AFF2: variants seen among roughly 807,000 people sequenced by gnomAD.
AFF2 encodes ALF transcription elongation factor 2, also known as AF4/FMR2 family member 2.
Under a neutral mutation model 76.9 loss-of-function variants are expected in AFF2, and 14 were observed. The observed-to-expected ratio is 0.18, with a 90% confidence interval of 0.12 to 0.28. AFF2 has a LOEUF of 0.28. Ranked by LOEUF, AFF2 falls within the 10% of genes least tolerant of loss-of-function variation. The pLI is 1.00. For synonymous variants in AFF2, 398 were observed against 366.7 expected (o/e 1.09, Z -0.98); for missense variants, 868 against 1,001.1 (o/e 0.87, Z 1.79).
intron 3 of AFF2, among the ~76,000 whole-genome samples, chrX:148,753,060 A>G (rs1207061996): frequency 9.0e-6 from 1 of 111,612 alleles, no homozygotes; most frequent in African/African-American, 3.3e-5. Context: ...AGCCATTTGT[A>G]AGGCTCACTT....
In AFF2 at chrX:148,714,671, A is replaced by T. The variant is rs143015201; in HGVS notation, c.1041+51903A>T. On this transcript the variant is annotated intron_variant, in intron 3 of 20. Coordinates refer to ENST00000370460, the MANE Select transcript of AFF2 (RefSeq NM_002025.4). The stretch of plus-strand genomic sequence containing the variant: ...ACACAAAAAATTTACTGAGAACCAA[A>T]ATTTTATGCCAATGGCCTGTCGATA... Among the ~76,000 whole-genome samples, 487 of 111,230 alleles carry T rather than the reference A, an allele frequency of 4.4e-3. 5 individuals carry two copies. The highest frequency in any genetic ancestry group is 0.016 in the African/African-American group (475 of 30,594).
At chrX:148,608,123 T>C (rs1263372935) in intron 1 of AFF2, among the ~76,000 whole-genome samples, 2 of 111,168 alleles carry the variant, frequency 1.8e-5, no homozygotes, top group African/African-American at 6.5e-5. Context: ...CCCTTGAGAG[T>C]AGGGTGTTCT....
chrX:148,946,739 G>T (rs1336595895), intron 9 of AFF2, among the ~76,000 whole-genome samples: 1 of 111,887 alleles, frequency 8.9e-6, no homozygotes, highest in African/African-American at 3.2e-5. Flanking sequence ...CTTGACTTTT[G>T]GCCTCCTTCG....
intron 3 of AFF2, among the ~76,000 whole-genome samples, chrX:148,749,932 C>CTGAG (rs1557266368): frequency 2.9e-5 from 3 of 104,934 alleles, no homozygotes; most frequent in Non-Finnish European, 5.9e-5. Context: ...CACCATGATG[C>CTGAG]TGAGGGCCTG....
At chrX:148,750,162 A>G (rs241130) in intron 3 of AFF2, among the ~76,000 whole-genome samples, 47,086 of 107,958 alleles carry the variant, frequency 0.44, 10,770 homozygotes, top group African/African-American at 0.87. Flanking sequence ...TAGAGACGGC[A>G]TTTCACCATG....
At chrX:148,852,495 T>C (rs73607989) in intron 7 of AFF2, among the ~76,000 whole-genome samples, 1,524 of 109,017 alleles carry the variant, frequency 0.014, 20 homozygotes, top group African/African-American at 0.048. Flanking sequence ...AAAGTACCTA[T>C]TCCTCATAAT....
intron 1 of AFF2, among the ~76,000 whole-genome samples, chrX:148,651,224 A>G (rs1342850848): frequency 8.9e-6 from 1 of 112,562 alleles, no homozygotes; most frequent in Admixed American, 9.4e-5. Flanking sequence ...TGATCCTCCA[A>G]TGGGAAAGCC....
rs1162192818 is a variant in AFF2 at position 148,686,624 on chromosome X, A to G, written c.1041+23856A>G. ...AACTGGGAATGATGATAATATATGT[A>G]TCAAGTGGCATGTGTATAGTGCCTA... On this transcript the variant is annotated intron_variant, in intron 3 of 20. Transcript: ENST00000370460. Among the ~76,000 whole-genome samples, 5 of 111,842 alleles carry G rather than the reference A, an allele frequency of 4.5e-5. No homozygotes were observed. The East Asian group carries it at 1.4e-3, about 31-fold the overall frequency.
chrX:148,887,926 G>A (rs7050418), intron 8 of AFF2, among the ~76,000 whole-genome samples: 9 of 112,644 alleles, frequency 8.0e-5, no homozygotes, highest in African/African-American at 2.9e-4. Flanking sequence ...GAATGCTTGT[G>A]CAGTAGTGGC....
chrX:148,607,658 G>A (rs1353872148), intron 1 of AFF2, among the ~76,000 whole-genome samples: 4 of 111,234 alleles, frequency 3.6e-5, no homozygotes, highest in Admixed American at 9.5e-5. Context: ...AACATCAAAG[G>A]GGCACACAAC....
At chrX:148,709,004 C>G (rs187535853) in intron 3 of AFF2, among the ~76,000 whole-genome samples, 56 of 111,638 alleles carry the variant, frequency 5.0e-4, no homozygotes, top group African/African-American at 1.6e-3. Context: ...GACGGAATGA[C>G]TGATCTCTTT....
chrX:148,757,194 C>A (rs782247389), intron 3 of AFF2, among the ~76,000 whole-genome samples: 1 of 112,241 alleles, frequency 8.9e-6, no homozygotes, highest in Non-Finnish European at 1.9e-5. Context: ...AAAGTACTGT[C>A]AGCACACAAA....
intron 9 of AFF2, among the ~76,000 whole-genome samples, chrX:148,946,128 A>G (rs782563559): frequency 8.9e-6 from 1 of 112,443 alleles, no homozygotes; most frequent in African/African-American, 3.2e-5. Flanking sequence ...AATAGGAACC[A>G]ACAGCTGGTG....
At chrX:148,725,005 A>G (rs2055139304) in intron 3 of AFF2, among the ~76,000 whole-genome samples, 1 of 111,175 alleles carries the variant, frequency 9.0e-6, no homozygotes, top group Non-Finnish European at 1.9e-5. Flanking sequence ...TTTTTTGTGA[A>G]GCAGGCAAGC....
intron 1 of AFF2, among the ~76,000 whole-genome samples, chrX:148,602,918 C>T (rs190129957): frequency 1.6e-3 from 169 of 109,000 alleles, no homozygotes; most frequent in African/African-American, 5.6e-3. Context: ...TAGATAATTA[C>T]AAAGGAGTCT....
chrX:148,953,006 C>G (rs2071988110), intron 9 of AFF2, among the ~76,000 whole-genome samples: 1 of 111,011 alleles, frequency 9.0e-6, no homozygotes, highest in Non-Finnish European at 1.9e-5. Context: ...GGCCAGGGTC[C>G]TAGGTGCTAG....
intron 1 of AFF2, among the ~76,000 whole-genome samples, chrX:148,648,776 A>G (rs901136891): frequency 7.2e-5 from 8 of 110,467 alleles, no homozygotes; most frequent in Non-Finnish European, 1.5e-4. Context: ...CCTTTGGTTA[A>G]TTCATAGTAA....
At chrX:148,726,030 A>T (rs1292978459) in intron 3 of AFF2, among the ~76,000 whole-genome samples, 1 of 111,734 alleles carries the variant, frequency 8.9e-6, no homozygotes, top group Non-Finnish European at 1.9e-5. Flanking sequence ...GACTTGCTAG[A>T]AGGACTTGTG....
At position 148,996,338 on chromosome X, in the gene AFF2, A is replaced by C. The variant is rs2072598883; in HGVS notation, c.*5006A>C. ...ATGTTTAACAACCAGCTCGCTGAGA[A>C]TAGAAAGCACCTGGTTTGCACCATT... On this transcript the variant is annotated 3_prime_UTR_variant, in exon 21 of 21. Transcript: ENST00000370460. The C allele has an allele frequency of 8.8e-6, 1 of 113,047 alleles. No homozygotes were observed. Among genetic ancestry groups the C allele is most frequent in the Admixed American group, 9.3e-5 (1 of 10,753 alleles). The allele number at this position is 113,047 out of a possible 1,213,427, so 9.3% of individuals were successfully genotyped here.
Sources: gnomAD v4.1 joint callset for allele counts (sites outside exome capture counted in the v4.1 genomes callset) on GRCh38, gnomAD v4.1.1 for gene constraint, MANE v1.5 for transcripts, NCBI Gene and HGNC (gene_info 2026-07-23, HGNC 2026-07-21) for gene names.